WSCD2: variants seen among roughly 807,000 people sequenced by gnomAD.
WSCD2 encodes WSC domain sialate O sulfotransferase 2.
WSCD2 carries 28 observed loss-of-function variants against 55.7 expected under a neutral mutation model. That is an observed-to-expected ratio of 0.50 (90% CI 0.37 to 0.69). WSCD2 has a LOEUF of 0.69. Ranked by LOEUF, WSCD2 falls within the 30% of genes least tolerant of loss-of-function variation. WSCD2 has a pLI of 0.00. For missense variants in WSCD2, 616 were observed against 762.1 expected, an observed-to-expected ratio of 0.81 and a Z score of 2.26; for synonymous variants, 301 against 301.9, an observed-to-expected ratio of 1.00 and a Z score of 0.03.
In WSCD2 at chr12:108,153,101, TCAAACAAA is replaced by T. The variant is rs111444949; in HGVS notation, c.-552+23196_-552+23203del. 5.1e-3 allele frequency among the ~76,000 whole-genome samples: 772 copies of T among 150,758 alleles called. 5 individuals carry two copies. Among genetic ancestry groups the T allele is most frequent in the African/African-American group, 0.018 (730 of 41,020 alleles). On this transcript the variant is annotated intron_variant, in intron 1 of 8. Coordinates refer to ENST00000547525, the MANE Select transcript of WSCD2 (RefSeq NM_014653.4). ...CTGGGTGACAGAGTGAGACTCTGTC[TCAAACAAA>T]CAAACAAACAAACAAACAAAAACTG...
At chr12:108,166,592 G>A (rs202121945) in intron 1 of WSCD2, among the ~76,000 whole-genome samples, 1 of 152,114 alleles carries the variant, frequency 6.6e-6, no homozygotes, top group Admixed American at 6.5e-5. Flanking sequence ...GAGTAAGCAG[G>A]ATCTCTCCCA....
At chr12:108,241,731 A>G (rs966121547) in intron 8 of WSCD2, among the ~76,000 whole-genome samples, 1 of 152,260 alleles carries the variant, frequency 6.6e-6, no homozygotes, top group Non-Finnish European at 1.5e-5. Flanking sequence ...ACAAAAACGA[A>G]CAAAGAAAAC....
chr12:108,152,014 G>A (rs7138154), intron 1 of WSCD2, among the ~76,000 whole-genome samples: 3,430 of 152,272 alleles, frequency 0.023, 146 homozygotes, highest in African/African-American at 0.079. Flanking sequence ...GGGCGGCGTC[G>A]CTGCTCTCCT....
At chr12:108,134,061 G>A (rs972819430) in intron 1 of WSCD2, among the ~76,000 whole-genome samples, 3 of 152,132 alleles carry the variant, frequency 2.0e-5, no homozygotes, top group South Asian at 2.1e-4. Flanking sequence ...GGTTCCCCAC[G>A]GACTGCAAGT....
At chr12:108,172,983 C>T (rs927848424) in intron 1 of WSCD2, among the ~76,000 whole-genome samples, 2 of 152,078 alleles carry the variant, frequency 1.3e-5, no homozygotes, top group Non-Finnish European at 2.9e-5. Context: ...GCTTGTTTCC[C>T]CCCACTCCCC....
intron 1 of WSCD2, among the ~76,000 whole-genome samples, chr12:108,142,675 T>G (rs1876956416): frequency 6.6e-6 from 1 of 152,194 alleles, no homozygotes; most frequent in Non-Finnish European, 1.5e-5. Flanking sequence ...AGGCATAAAA[T>G]GAAATTTATT....
intron 1 of WSCD2, among the ~76,000 whole-genome samples, chr12:108,166,621 G>T (rs567181305): frequency 1.3e-5 from 2 of 152,080 alleles, no homozygotes; most frequent in South Asian, 2.1e-4. Context: ...TTCTTACGGA[G>T]GTGATGATGT....
chr12:108,243,900 T>C (rs1294633834), intron 8 of WSCD2, among the ~76,000 whole-genome samples: 2 of 152,208 alleles, frequency 1.3e-5, no homozygotes, highest in African/African-American at 4.8e-5. Context: ...TCCAGACTCC[T>C]AGAACCACCA....
intron 1 of WSCD2, among the ~76,000 whole-genome samples, chr12:108,165,292 T>G (rs1349057618): frequency 6.6e-6 from 1 of 152,230 alleles, no homozygotes; most frequent in Non-Finnish European, 1.5e-5. Context: ...GTCTTCTTGG[T>G]TCCAAGGGGA....
chr12:108,170,140 G>A (rs553306323), intron 1 of WSCD2, among the ~76,000 whole-genome samples: 4 of 151,548 alleles, frequency 2.6e-5, no homozygotes, highest in South Asian at 4.2e-4. Context: ...GGATGTATGT[G>A]TGTGAGCTTG....
Position 108,248,472 on chromosome 12 carries a change from G to A in WSCD2, c.*129G>A. 2 of 1,438,406 alleles carry A rather than the reference G, an allele frequency of 1.4e-6. No individual in the cohort carries two copies. The highest frequency in any genetic ancestry group is 2.8e-5 in the Admixed American group (1 of 35,524). 89.1% of individuals were successfully genotyped at this position (1,438,406 alleles called of 1,614,324 possible). A position where few individuals can be genotyped will look rare whatever the true frequency, so the allele number is the denominator to read the frequency against. On this transcript the variant is annotated 3_prime_UTR_variant, in exon 9 of 9. Coordinates refer to ENST00000547525, the MANE Select transcript of WSCD2 (RefSeq NM_014653.4). The surrounding 1 kb of genome is among the most constrained non-coding windows in gnomAD (Gnocchi z 4.3). ...GGGACAATCCCCTTGGCTGCTCTTTGCCTTCAATGAGTTTCCTGCATGACA... is the reference window on the plus strand; with the variant it reads ...GGGACAATCCCCTTGGCTGCTCTTTACCTTCAATGAGTTTCCTGCATGACA...
At chr12:108,202,808 A>C (rs1884872477) in intron 2 of WSCD2, among the ~76,000 whole-genome samples, 1 of 152,170 alleles carries the variant, frequency 6.6e-6, no homozygotes, top group Non-Finnish European at 1.5e-5. Context: ...TCGTGACACG[A>C]GTTTACCTAT....
chr12:108,138,888 A>G (rs1876497639), intron 1 of WSCD2, among the ~76,000 whole-genome samples: 1 of 152,202 alleles, frequency 6.6e-6, no homozygotes, highest in Non-Finnish European at 1.5e-5. Flanking sequence ...CTGGGAGATG[A>G]GCCCAACTTG....
At chr12:108,238,013 T>C (rs1423241095) in intron 7 of WSCD2, among the ~76,000 whole-genome samples, 2 of 152,234 alleles carry the variant, frequency 1.3e-5, no homozygotes, top group Admixed American at 6.5e-5. Flanking sequence ...GTGCTTATAG[T>C]GAAATAGATT....
At chr12:108,164,161 T>TTTTTTTTTTTTTTTTTTTTTTTA (rs1555224811) in intron 1 of WSCD2, among the ~76,000 whole-genome samples, 1 of 145,982 alleles carries the variant, frequency 6.9e-6, no homozygotes, top group Non-Finnish European at 1.5e-5. Context: ...TTTTTTTTTT[T>TTTTTTTTTTTTTTTTTTTTTTTA]TCAGAGAGGG....
chr12:108,154,502 T>G (rs1277119640), intron 1 of WSCD2, among the ~76,000 whole-genome samples: 1 of 152,200 alleles, frequency 6.6e-6, no homozygotes, highest in Non-Finnish European at 1.5e-5. Context: ...TCCAGGATAA[T>G]CTCCCCTTCT....
intron 2 of WSCD2, among the ~76,000 whole-genome samples, chr12:108,203,045 G>A (rs1302386008): frequency 6.6e-6 from 1 of 152,090 alleles, no homozygotes; most frequent in Non-Finnish European, 1.5e-5. Context: ...ATATAGGAAG[G>A]GGCAACTTTG....
chr12:108,187,463 G>A (rs1307006910), intron 1 of WSCD2, among the ~76,000 whole-genome samples: 2 of 152,248 alleles, frequency 1.3e-5, no homozygotes, highest in African/African-American at 4.8e-5. Flanking sequence ...ACGGTTAAGA[G>A]TGCAGGCCCC....
chr12:108,173,126 T>G (rs1420526434), intron 1 of WSCD2, among the ~76,000 whole-genome samples: 1 of 152,134 alleles, frequency 6.6e-6, no homozygotes, highest in Non-Finnish European at 1.5e-5. Context: ...TAAATGTGTG[T>G]TGTTTAAGCC....
Sources: allele counts gnomAD v4.1 joint callset (sites outside exome capture counted in the v4.1 genomes callset), GRCh38; gene constraint gnomAD v4.1.1; non-coding constraint Gnocchi (gnomAD v3.1); transcripts MANE v1.5; gene names NCBI Gene and HGNC (gene_info 2026-07-23, HGNC 2026-07-21).